The following N4BP2L2 variants were observed in gnomAD, a reference collection of about 807,000 sequenced individuals.
N4BP2L2 encodes NEDD4 binding protein 2 like 2.
In N4BP2L2, 50 loss-of-function variants were observed where a neutral mutation model predicts 56.2. The ratio of observed to expected loss-of-function variants is 0.89; its 90% confidence interval spans 0.71 to 1.13. The LOEUF (loss-of-function observed/expected upper bound fraction) is 1.13. Among genes scored for constraint, N4BP2L2 ranks in the 50% most tolerant of loss-of-function variants. N4BP2L2 has a pLI of 0.00. For synonymous variants in N4BP2L2, 203 were observed against 223.6 expected (o/e 0.91, Z 0.82); for missense variants, 689 against 693.8 (o/e 0.99, Z 0.08).
chr13:32,524,147 A>C (rs930839517), intron 3 of N4BP2L2: 1 of 152,204 alleles, frequency 6.6e-6, no homozygotes, highest in Non-Finnish European at 1.5e-5. Flanking sequence ...TACCAAAAGA[A>C]ATTTAGAATT....
chr13:32,461,069 A>G (rs1453813708), intron 6 of N4BP2L2, among the ~76,000 whole-genome samples: 1 of 152,208 alleles, frequency 6.6e-6, no homozygotes, highest in Non-Finnish European at 1.5e-5. Context: ...TATGCAGAAG[A>G]ATGAAACTAG....
At chr13:32,477,533 G>A (rs2083609796) in intron 6 of N4BP2L2, 1 of 218,950 alleles carries the variant, frequency 4.6e-6, no homozygotes, top group Non-Finnish European at 9.3e-6. Flanking sequence ...ACAAAGAACT[G>A]AGAGTTCCTT....
intron 2 of N4BP2L2, among the ~76,000 whole-genome samples, chr13:32,531,189 G>A (rs2054678760): frequency 6.6e-6 from 1 of 152,138 alleles, no homozygotes; most frequent in Non-Finnish European, 1.5e-5. Context: ...TAGAGACACT[G>A]AACCAAAGGC....
At chr13:32,456,807 G>A (rs1214291954) in intron 6 of N4BP2L2, among the ~76,000 whole-genome samples, 2 of 152,146 alleles carry the variant, frequency 1.3e-5, no homozygotes, top group African/African-American at 2.4e-5. Flanking sequence ...TTAAAGACAA[G>A]TCTTTTTAAA....
downstream of N4BP2L2, chr13:32,508,528 GTAA>G (rs1331940223): frequency 6.6e-6 from 1 of 152,184 alleles, no homozygotes; most frequent in East Asian, 1.9e-4. Context: ...CCTAACTCTT[GTAA>G]TAATGTGTTC....
chr13:32,527,291 A>G, intron 3 of N4BP2L2, 117 bp downstream of exon 3: 1 of 1,100,982 alleles, frequency 9.1e-7, no homozygotes, highest in Non-Finnish European at 1.3e-6. Flanking sequence ...TCTCAAAGCT[A>G]TTTAAACGGC....
chr13:32,487,944 C>T (rs2086244527), intron 6 of N4BP2L2, among the ~76,000 whole-genome samples: 2 of 152,054 alleles, frequency 1.3e-5, no homozygotes, highest in South Asian at 4.2e-4. Context: ...TTGAAACCTC[C>T]ACCTCCCAGG....
exon 6 of N4BP2L2, chr13:32,512,486 T>C (rs997392533): frequency 1.3e-5 from 2 of 152,220 alleles, no homozygotes; most frequent in African/African-American, 4.8e-5. Flanking sequence ...TGAATTATAA[T>C]GTGTAATTAT....
chr13:32,500,728 AAAG>A (rs2139549508), intron 6 of N4BP2L2, among the ~76,000 whole-genome samples: 1 of 151,966 alleles, frequency 6.6e-6, no homozygotes, highest in East Asian at 1.9e-4. Flanking sequence ...AAAAAAAAAA[AAAG>A]TACTATTATT....
chr13:32,529,476 A>G (rs1026591887), intron 2 of N4BP2L2, among the ~76,000 whole-genome samples: 2 of 152,216 alleles, frequency 1.3e-5, no homozygotes, highest in African/African-American at 4.8e-5. Context: ...CATATTTGGC[A>G]TCTTACTGCT....
intron 3 of N4BP2L2, chr13:32,523,329 T>C (rs534979882): frequency 4.1e-5 from 6 of 145,808 alleles, no homozygotes; most frequent in African/African-American, 1.3e-4. Context: ...GAAGTGGAGG[T>C]TGCTGTGAGC....
chr13:32,494,683 G>A (rs1449668684), intron 6 of N4BP2L2, among the ~76,000 whole-genome samples: 5 of 150,990 alleles, frequency 3.3e-5, no homozygotes, highest in African/African-American at 1.2e-4. Context: ...GGAGAATGGC[G>A]TGAACCCGGG....
At chr13:32,456,358 T>C (rs1324341131) in intron 6 of N4BP2L2, among the ~76,000 whole-genome samples, 1 of 152,136 alleles carries the variant, frequency 6.6e-6, no homozygotes, top group Admixed American at 6.5e-5. Flanking sequence ...ACCAACACCA[T>C]AGATACATCC....
At chr13:32,504,977 C>T (rs1486043980) in intron 6 of N4BP2L2, 1 of 152,256 alleles carries the variant, frequency 6.6e-6, no homozygotes, top group African/African-American at 2.4e-5. Context: ...TAATCTTCTT[C>T]AGCTTCATTC....
At position 32,452,890 on chromosome 13, in the gene N4BP2L2, T is replaced by G. The variant is rs866955335; in HGVS notation, c.366-8764A>C. ...TTCAACATTGTATAGTCCCTCTGTA[T>G]TCATGAAAGATATATCAGACAAAAT... On this transcript the variant is annotated intron_variant, in intron 6 of 9. Transcript: ENST00000357505. Among the ~76,000 whole-genome samples the G allele has an allele frequency of 7.9e-5, 12 of 152,330 alleles. No individual in the cohort carries two copies. The Middle Eastern group carries it at 0.01, about 130-fold the overall frequency.
chr13:32,536,535 T>C, exon 2 of N4BP2L2: 3 of 1,613,978 alleles, frequency 1.9e-6, no homozygotes, highest in Non-Finnish European at 2.5e-6. Context: ...ATCTCTGATT[T>C]TTCAGAGTTA....
exon 2 of N4BP2L2, chr13:32,536,649 T>C: frequency 1.2e-6 from 2 of 1,614,108 alleles, no homozygotes; most frequent in Non-Finnish European, 8.5e-7. Flanking sequence ...GGTTTGTAAA[T>C]GGGTCCTATA....
intron 6 of N4BP2L2, among the ~76,000 whole-genome samples, chr13:32,484,000 A>G (rs889845457): frequency 6.6e-6 from 1 of 151,408 alleles, no homozygotes; most frequent in African/African-American, 2.4e-5. Flanking sequence ...GAAAAAAAAA[A>G]AAAAAGAAAA....
intron 6 of N4BP2L2, among the ~76,000 whole-genome samples, chr13:32,496,089 G>C (rs1296135141): frequency 6.6e-6 from 1 of 152,188 alleles, no homozygotes; most frequent in Non-Finnish European, 1.5e-5. Context: ...AATTTTGAAT[G>C]AGGCAGCCAG....
Sources: allele counts gnomAD v4.1 joint callset (sites outside exome capture counted in the v4.1 genomes callset), GRCh38; gene constraint gnomAD v4.1.1; transcripts MANE v1.5; gene names NCBI Gene and HGNC (gene_info 2026-07-23, HGNC 2026-07-21).